The following PTPRD variants were observed in gnomAD, a reference collection of about 807,000 sequenced individuals.
PTPRD encodes protein tyrosine phosphatase receptor type D.
In PTPRD, 34 loss-of-function variants were observed where a neutral mutation model predicts 214.5. The ratio of observed to expected loss-of-function variants is 0.16; its 90% CI spans 0.12 to 0.21. The LOEUF (loss-of-function observed/expected upper bound fraction) is 0.21, where lower values mean the gene tolerates loss of function less well. Ranked by LOEUF, PTPRD falls within the 10% of genes least tolerant of loss-of-function variation. The pLI is 1.00. For synonymous variants in PTPRD, 1,128 were observed against 845.7 expected (o/e 1.33, Z -5.79); for missense variants, 2,545 against 2,398.7 (o/e 1.06, Z -1.27).
intron 9 of PTPRD, among the ~76,000 whole-genome samples, chr9:9,276,431 G>T (rs1174928554): frequency 6.6e-6 from 1 of 151,306 alleles, no homozygotes; most frequent in African/African-American, 2.4e-5. Flanking sequence ...AACTGTTTTG[G>T]TAATGGGCAA....
intron 5 of PTPRD, among the ~76,000 whole-genome samples, chr9:9,788,951 G>C (rs1339541128): frequency 1.3e-5 from 2 of 151,998 alleles, no homozygotes; most frequent in Non-Finnish European, 2.9e-5. Flanking sequence ...ACAAGTTTCC[G>C]GTGCCTCTCT....
At chr9:9,068,364 T>A (rs190101820) in intron 10 of PTPRD, among the ~76,000 whole-genome samples, 4 of 152,298 alleles carry the variant, frequency 2.6e-5, no homozygotes, top group Admixed American at 2.0e-4. Flanking sequence ...TAAATGCCCA[T>A]GAATGCAATT....
intron 7 of PTPRD, among the ~76,000 whole-genome samples, chr9:9,642,576 C>G (rs2096003486): frequency 6.6e-6 from 1 of 152,026 alleles, no homozygotes; most frequent in Non-Finnish European, 1.5e-5. Context: ...GATATGAAAG[C>G]TCTCTCCCTC....
rs370603241 is a variant in PTPRD, at chr9:9,144,731, C to T, written c.-143+38573G>A. ...TTGTACTATTGCACTCCAACCTAGG[C>T]GACAGAGCGAGACTCTGTCAAAAAA... On this transcript the variant is annotated intron_variant, in intron 10 of 45. Transcript: ENST00000381196. 2.9e-4 allele frequency among the ~76,000 whole-genome samples: 44 copies of T among 151,886 alleles called. 1 individual carries two copies. Among genetic ancestry groups the T allele is most frequent in the African/African-American group, 9.7e-4 (40 of 41,396 alleles).
At chr9:8,774,134 T>C (rs529522822) in intron 11 of PTPRD, among the ~76,000 whole-genome samples, 1 of 152,330 alleles carries the variant, frequency 6.6e-6, no homozygotes, top group Non-Finnish European at 1.5e-5. Flanking sequence ...TCCTCATTTG[T>C]AAACTGGGGA....
At chr9:9,366,385 G>A (rs2057897908) in intron 9 of PTPRD, among the ~76,000 whole-genome samples, 1 of 151,440 alleles carries the variant, frequency 6.6e-6, no homozygotes, top group Non-Finnish European at 1.5e-5. Context: ...ATCATTGAGA[G>A]TAGGTCACCT....
chr9:9,956,280 TA>T (rs202114228), intron 4 of PTPRD, among the ~76,000 whole-genome samples: 33,374 of 127,506 alleles, frequency 0.26, 3,785 homozygotes, highest in Middle Eastern at 0.44. Flanking sequence ...AAGTCAAACT[TA>T]AAAAAAAAAA....
chr9:8,552,982 C>T (rs1347780301), intron 14 of PTPRD, among the ~76,000 whole-genome samples: 1 of 152,148 alleles, frequency 6.6e-6, no homozygotes, highest in Non-Finnish European at 1.5e-5. Context: ...CAGCCATCAG[C>T]TACCCTGCCA....
At chr9:9,684,693 T>TTGTGTGTGTG (rs138242584) in intron 7 of PTPRD, among the ~76,000 whole-genome samples, 4 of 149,148 alleles carry the variant, frequency 2.7e-5, no homozygotes, top group South Asian at 4.2e-4. Context: ...AATACAGCAT[T>TTGTGTGTGTG]TGTGTGTGTG....
chr9:8,722,678 A>G (rs776022063), intron 12 of PTPRD, among the ~76,000 whole-genome samples: 1 of 152,186 alleles, frequency 6.6e-6, no homozygotes, highest in African/African-American at 2.4e-5. Context: ...TATGTTGACC[A>G]TCACCCTCCA....
chr9:9,302,876 A>G (rs1955925861), intron 9 of PTPRD, among the ~76,000 whole-genome samples: 1 of 149,254 alleles, frequency 6.7e-6, no homozygotes. Context: ...GTGTGATGTA[A>G]CTCTTCTGCA....
chr9:10,251,200 C>T (rs1047486332), intron 3 of PTPRD, among the ~76,000 whole-genome samples: 1 of 152,014 alleles, frequency 6.6e-6, no homozygotes, highest in East Asian at 1.9e-4. Flanking sequence ...TTTTGGACAA[C>T]CCTTATGTGA....
At chr9:9,242,108 T>C (rs10977610) in intron 9 of PTPRD, among the ~76,000 whole-genome samples, 17,085 of 152,052 alleles carry the variant, frequency 0.11, 1,169 homozygotes, top group Non-Finnish European at 0.14. Context: ...TTATGAAGCT[T>C]AGTTTGGCTG....
At chr9:8,334,968 T>G (rs1845154113) in intron 43 of PTPRD, among the ~76,000 whole-genome samples, 1 of 151,048 alleles carries the variant, frequency 6.6e-6, no homozygotes, top group South Asian at 2.1e-4. Flanking sequence ...CAGGAAGAAG[T>G]TGAATCTCTG....
intron 5 of PTPRD, among the ~76,000 whole-genome samples, chr9:9,894,435 A>G (rs1362782860): frequency 6.6e-6 from 1 of 152,080 alleles, no homozygotes; most frequent in Non-Finnish European, 1.5e-5. Flanking sequence ...ATTGTGCTTT[A>G]ATCAGATTTT....
At chr9:9,886,277 G>C (rs769165456) in intron 5 of PTPRD, among the ~76,000 whole-genome samples, 35 of 152,052 alleles carry the variant, frequency 2.3e-4, no homozygotes, top group Non-Finnish European at 8.8e-5. Context: ...TGTTTTATAT[G>C]TTTGAATTGG....
intron 8 of PTPRD, among the ~76,000 whole-genome samples, chr9:9,574,373 A>G (rs1031462888): frequency 2.6e-5 from 4 of 152,000 alleles, no homozygotes; most frequent in Non-Finnish European, 4.4e-5. Flanking sequence ...AGGTGATAAA[A>G]TAAGTTTTAC....
At chr9:8,570,339 C>G (rs1365757443) in intron 14 of PTPRD, among the ~76,000 whole-genome samples, 1 of 152,030 alleles carries the variant, frequency 6.6e-6, no homozygotes, top group Non-Finnish European at 1.5e-5. Context: ...AATTGCAAAA[C>G]AAATAAGCCA....
At chr9:10,557,968 A>G (rs1314773763) in intron 2 of PTPRD, among the ~76,000 whole-genome samples, 1 of 152,130 alleles carries the variant, frequency 6.6e-6, no homozygotes, top group African/African-American at 2.4e-5. Flanking sequence ...AGCCCAACAC[A>G]TGTGCTCTGT....
Sources: gnomAD v4.1 joint callset for allele counts (sites outside exome capture counted in the v4.1 genomes callset) on GRCh38, gnomAD v4.1.1 for gene constraint, MANE v1.5 for transcripts, NCBI Gene and HGNC (gene_info 2026-07-23, HGNC 2026-07-21) for gene names.